INTS13: variants seen among roughly 807,000 people sequenced by gnomAD.
The protein encoded by INTS13 is asunder, spermatogenesis regulator homolog (Drosphila).
A neutral mutation model predicts 90.2 loss-of-function variants in INTS13; 35 were observed. The observed-to-expected ratio is 0.39, with a 90% confidence interval of 0.30 to 0.51. INTS13 has a LOEUF of 0.51. Among genes scored for constraint, INTS13 ranks in the 20% least tolerant of loss-of-function variants. The pLI, the probability that INTS13 is intolerant of heterozygous loss-of-function variation, is 0.80. For missense variants in INTS13, 601 were observed against 851.2 expected (o/e 0.71, Z 3.66); for synonymous variants, 309 against 277.1 (o/e 1.11, Z -1.14).
chr12:26,912,581 G>A (rs919930436), intron 14 of INTS13, among the ~76,000 whole-genome samples: 14 of 151,998 alleles, frequency 9.2e-5, no homozygotes, highest in African/African-American at 3.1e-4. Flanking sequence ...CAGATTTAAC[G>A]CTGACATCAT....
chr12:26,917,563 C>A, intron 9 of INTS13, 81 bp downstream of exon 9: 1 of 1,387,092 alleles, frequency 7.2e-7, no homozygotes. Flanking sequence ...AACGAAAATG[C>A]AAAACAGAAT....
chr12:26,926,517 C>T (rs918952802), intron 5 of INTS13, among the ~76,000 whole-genome samples: 1 of 152,330 alleles, frequency 6.6e-6, no homozygotes, highest in Admixed American at 6.5e-5. Flanking sequence ...CTACTCATAA[C>T]AATAACACTA....
At position 26,936,761 on chromosome 12, in the gene INTS13, C is replaced by A; in HGVS notation, c.43G>T (p.Asp15Tyr). The A allele has an allele frequency of 1.2e-6, 2 of 1,614,070 alleles. No individual in the cohort carries two copies. The highest frequency in any genetic ancestry group is 1.7e-6 in the Non-Finnish European group (2 of 1,179,984). The change falls in exon 2 of 17, where the codon GAT becomes TAT. Residue 15 changes from aspartate (D) to tyrosine (Y), a missense_variant. Physicochemically the swap from Asp to Tyr is radical, Grantham distance 160. Around this residue, in one of 3 missense-constraint regions of INTS13, gnomAD observed 284 missense variants for 387.7 expected, o/e 0.73. Coordinates refer to ENST00000261191, the MANE Select transcript of INTS13 (RefSeq NM_018164.3). ...SESHKTVFVV[D>Y]HCPYMAESCR... The stretch of plus-strand genomic sequence containing the variant: ...GATTCTGCCATATAAGGGCAGTGAT[C>A]CACAACAAACACTGTTTTATGAGAT...
intron 14 of INTS13, 108 bp from the exon 15 acceptor site, chr12:26,911,425 T>A: frequency 1.1e-6 from 1 of 944,580 alleles, no homozygotes; most frequent in Non-Finnish European, 1.5e-6. Flanking sequence ...ATGGCTAATC[T>A]CATAAAATAA....
chr12:26,914,401 CACTT>C lies in INTS13; in HGVS notation c.1419+3_1419+6del, dbSNP rs1313561468. On this transcript the variant is annotated splice_donor_5th_base_variant and intron_variant, in intron 12 of 16. Coordinates refer to ENST00000261191, the MANE Select transcript of INTS13 (RefSeq NM_018164.3). ...TATAAGAAAAGTTGAAGCTACTTAA[CACTT>C]ACCGCTTGCATGTTAAAAATGGTGG... 3 of 1,609,684 alleles carry C rather than the reference CACTT, an allele frequency of 1.9e-6. No homozygotes were observed. Among genetic ancestry groups the C allele is most frequent in the Non-Finnish European group, 2.5e-6 (3 of 1,178,592 alleles).
rs773616300 is a variant in INTS13 at position 26,913,554 on chromosome 12, G to T, written c.1708C>A (p.Arg570=). The part of the protein sequence containing the change: ...CRSKPPEEEE[R]KKRGRKREDK... ...TCCCTCTTTCTTCCTCGTTTCTTTC[G>T]TTCTTCCTCTTCTGGGGGTTTGCTC... is the stretch of plus-strand genomic sequence containing the variant. Residue 570 remains arginine (R), a synonymous_variant, in exon 14 of 17, where the codon CGA becomes AGA. Coordinates refer to ENST00000261191, the MANE Select transcript of INTS13 (RefSeq NM_018164.3). The T allele has an allele frequency of 1.2e-6, 2 of 1,613,640 alleles. No homozygotes were observed. Among genetic ancestry groups the T allele is most frequent in the Non-Finnish European group, 1.7e-6 (2 of 1,179,948 alleles).
At chr12:26,932,522 T>C (rs1938250708) in intron 3 of INTS13, among the ~76,000 whole-genome samples, 1 of 152,126 alleles carries the variant, frequency 6.6e-6, no homozygotes, top group African/African-American at 2.4e-5. Context: ...CTGAAAGGTA[T>C]CAAATATGGA....
intron 1 of INTS13, 84 bp from the exon 2 acceptor site, chr12:26,936,898 C>T (rs916198292): frequency 2.2e-6 from 2 of 896,406 alleles, no homozygotes; most frequent in African/African-American, 1.7e-5. Context: ...ATTGTCTTTC[C>T]CTCAAGAAGA....
chr12:26,929,010 A>G (rs1052894814), intron 3 of INTS13, 105 bp from the exon 4 acceptor site: 1 of 999,330 alleles, frequency 1.0e-6, no homozygotes, highest in African/African-American at 1.6e-5. Context: ...ATATATGGAC[A>G]TGAACATTCT....
At position 26,911,297 on chromosome 12, in the gene INTS13, C is replaced by T. The variant is rs777593850; in HGVS notation, c.1826G>A (p.Arg609His). The T allele has an allele frequency of 6.8e-6, 11 of 1,612,800 alleles. No homozygotes were observed. The highest frequency in any genetic ancestry group is 2.2e-5 in the East Asian group (1 of 44,846). The change falls in exon 15 of 17, where the codon CGT becomes CAT. Residue 609 changes from arginine (R) to histidine (H), a missense_variant. Around this residue, in one of 3 missense-constraint regions of INTS13, gnomAD observed 228 missense variants for 272.5 expected, o/e 0.84. Coordinates refer to ENST00000261191, the MANE Select transcript of INTS13 (RefSeq NM_018164.3). ...DSERLKGILE[R>H]GKEELAEAEI... ...AGCTTCAGCCAATTCTTCTTTTCCA[C>T]GCTCTAAGATTCCTTTTAATCTTTT...
chr12:26,914,098 C>T lies in INTS13; in HGVS notation c.1450G>A (p.Glu484Lys). The T allele has an allele frequency of 6.2e-7, 1 of 1,605,504 alleles. No individual in the cohort carries two copies. Among genetic ancestry groups the T allele is most frequent in the Non-Finnish European group, 8.5e-7 (1 of 1,177,518 alleles). The stretch of plus-strand genomic sequence containing the variant: ...AACACATCTTCTTCTGTCAGAGATT[C>T]TTTCACAATAACACTGGCTAATGGA... ...VVPLASVIVK[E>K]SLTEEDVLNC... Residue 484 changes from glutamate (E) to lysine (K), a missense_variant, in exon 13 of 17, where the codon GAA becomes AAA. Physicochemically the swap from Glu to Lys is moderately conservative, Grantham distance 56 (BLOSUM62 1). Transcript: ENST00000261191.
chr12:26,911,557 TA>T (rs887721949), intron 14 of INTS13, among the ~76,000 whole-genome samples: 13 of 150,378 alleles, frequency 8.6e-5, no homozygotes, highest in African/African-American at 2.4e-4. Context: ...CTGTAAAATA[TA>T]AAAAAAAAGA....
At chr12:26,936,220 T>G (rs1463047627) in intron 2 of INTS13, among the ~76,000 whole-genome samples, 1 of 152,212 alleles carries the variant, frequency 6.6e-6, no homozygotes, top group South Asian at 2.1e-4. Flanking sequence ...CCAGCACAGT[T>G]TGACAGCAGC....
chr12:26,913,355 A>G (rs1460510029), intron 14 of INTS13, 102 bp downstream of exon 14: 3 of 770,954 alleles, frequency 3.9e-6, no homozygotes, highest in Non-Finnish European at 6.5e-6. Flanking sequence ...ACATGTATTA[A>G]ATGAACTACT....
At chr12:26,907,491 T>G (rs751160857) in intron 15 of INTS13, among the ~76,000 whole-genome samples, 2 of 152,192 alleles carry the variant, frequency 1.3e-5, no homozygotes, top group Non-Finnish European at 2.9e-5. Flanking sequence ...AATCTAAAAT[T>G]ACAGAACTCC....
intron 7 of INTS13, 94 bp downstream of exon 7, chr12:26,924,260 TG>T: frequency 7.2e-7 from 1 of 1,387,590 alleles, no homozygotes; most frequent in Non-Finnish European, 9.8e-7. Context: ...CCCAAAGTGC[TG>T]GGATTACAGG....
At chr12:26,931,578 AC>A (rs1241710929) in intron 3 of INTS13, among the ~76,000 whole-genome samples, 2 of 152,274 alleles carry the variant, frequency 1.3e-5, no homozygotes, top group Non-Finnish European at 2.9e-5. Flanking sequence ...CAATTATTTC[AC>A]TAAAGCCTTG....
chr12:26,928,397 A>G (rs1244434628), intron 4 of INTS13, 112 bp from the exon 5 acceptor site: 2 of 853,138 alleles, frequency 2.3e-6, no homozygotes, highest in East Asian at 2.6e-5. Flanking sequence ...TTACTTCACT[A>G]AGGACTATCT....
At chr12:26,924,040 T>G (rs1937727282) in intron 7 of INTS13, among the ~76,000 whole-genome samples, 1 of 152,190 alleles carries the variant, frequency 6.6e-6, no homozygotes, top group African/African-American at 2.4e-5. Flanking sequence ...TGCTTTTCAG[T>G]ATTTACTGAC....
Sources: allele counts gnomAD v4.1 joint callset (sites outside exome capture counted in the v4.1 genomes callset), GRCh38; gene constraint gnomAD v4.1.1; regional missense constraint gnomAD v4.1.1; transcripts MANE v1.5; gene names NCBI Gene and HGNC (gene_info 2026-07-23, HGNC 2026-07-21).